The following FREM1 variants were observed in gnomAD, a reference collection of about 807,000 sequenced individuals.
The protein encoded by FREM1 is FRAS1 related extracellular matrix 1.
Under a neutral mutation model 210.1 loss-of-function variants are expected in FREM1, and 220 were observed. That is an observed-to-expected ratio of 1.05 (90% confidence interval 0.94 to 1.17). The LOEUF (loss-of-function observed/expected upper bound fraction) is 1.17, where lower values mean the gene tolerates loss of function less well. Among genes scored for constraint, FREM1 ranks in the 50% most tolerant of loss-of-function variants. The probability of loss-of-function intolerance (pLI) is 0.00; values close to 1 mark genes in which losing one functional copy is unlikely to be tolerated. For missense variants in FREM1, 3,454 were observed against 2,675.5 expected (o/e 1.29, Z -6.42); for synonymous variants, 1,189 against 980.2 (o/e 1.21, Z -3.98).
At chr9:14,804,307 T>C (rs1295637968) in intron 19 of FREM1, among the ~76,000 whole-genome samples, 1 of 152,156 alleles carries the variant, frequency 6.6e-6, no homozygotes, top group Admixed American at 6.5e-5. Context: ...CAACTTTGGC[T>C]GGGTGCGGTG....
chr9:14,775,278 T>C (rs1848348356), intron 25 of FREM1, among the ~76,000 whole-genome samples: 1 of 152,216 alleles, frequency 6.6e-6, no homozygotes, highest in Non-Finnish European at 1.5e-5. Flanking sequence ...TTTGCTCCTT[T>C]CTGTGCTACC....
intron 13 of FREM1, among the ~76,000 whole-genome samples, chr9:14,821,162 C>A (rs1299946398): frequency 6.6e-6 from 1 of 152,134 alleles, no homozygotes; most frequent in African/African-American, 2.4e-5. Flanking sequence ...CAGCTCTCTG[C>A]AGGAATTCTA....
intron 10 of FREM1, among the ~76,000 whole-genome samples, chr9:14,837,460 T>TAC (rs1824846166): frequency 7.2e-6 from 1 of 139,386 alleles, no homozygotes; most frequent in Non-Finnish European, 1.6e-5. Context: ...CACACACACA[T>TAC]ACACATACAC....
chr9:14,740,696 GT>G (rs1234651081), intron 35 of FREM1, among the ~76,000 whole-genome samples: 2 of 152,082 alleles, frequency 1.3e-5, no homozygotes, highest in Non-Finnish European at 2.9e-5. Flanking sequence ...AGCTTAGTGG[GT>G]TTAGCCAAAT....
intron 19 of FREM1, among the ~76,000 whole-genome samples, chr9:14,803,670 A>T (rs1817775206): frequency 6.6e-6 from 1 of 152,088 alleles, no homozygotes. Context: ...TGCCTGGCCT[A>T]AAGCATCCTT....
intron 10 of FREM1, among the ~76,000 whole-genome samples, chr9:14,839,101 C>T (rs1018511733): frequency 5.9e-5 from 9 of 152,120 alleles, no homozygotes; most frequent in Non-Finnish European, 1.2e-4. Flanking sequence ...TGGTTAATCA[C>T]CTCTATTTGT....
At chr9:14,759,968 A>C in intron 27 of FREM1, 67 bp from the exon 28 acceptor site, 1 of 1,348,718 alleles carries the variant, frequency 7.4e-7, no homozygotes, top group Non-Finnish European at 1.0e-6. Context: ...TTCTCTGCTG[A>C]GCGGACTAGT....
chr9:14,778,816 G>GT (rs1226700065), intron 24 of FREM1, among the ~76,000 whole-genome samples: 4 of 150,140 alleles, frequency 2.7e-5, no homozygotes, highest in Admixed American at 1.3e-4. Flanking sequence ...GCTGGGGTGG[G>GT]TGGAGCGCTC....
At chr9:14,773,939 A>T in intron 25 of FREM1, 1 of 382,824 alleles carries the variant, frequency 2.6e-6, no homozygotes, top group Non-Finnish European at 5.0e-6. Context: ...GACTGGTATC[A>T]ACCTAGGTTA....
At chr9:14,784,655 T>C in intron 23 of FREM1, 21 bp from the exon 24 acceptor site, 8 of 1,499,416 alleles carry the variant, frequency 5.3e-6, no homozygotes, top group African/African-American at 1.4e-5. Flanking sequence ...TAAGAGGTTA[T>C]GGTCAATAAT....
At chr9:14,840,145 C>A (rs1042568099) in intron 10 of FREM1, among the ~76,000 whole-genome samples, 2 of 152,192 alleles carry the variant, frequency 1.3e-5, no homozygotes, top group African/African-American at 4.8e-5. Flanking sequence ...GCTCAATCAT[C>A]TATGCATTAG....
intron 30 of FREM1, 107 bp from the exon 31 acceptor site, chr9:14,748,746 G>C (rs1346757283): frequency 1.4e-6 from 1 of 720,198 alleles, no homozygotes; most frequent in African/African-American, 1.8e-5. Flanking sequence ...TAGATGGATG[G>C]TTTTCCCACC....
In FREM1 at chr9:14,784,733, A is replaced by C. The variant is rs894529495; in HGVS notation, c.4178-99T>G. ...AAAGGCCAAAACTGTGCAAAAATCA[A>C]AATTAATACGACATAGAAAGGTTTA... is the stretch of plus-strand genomic sequence containing the variant. On this transcript the variant is annotated intron_variant, in intron 23 of 36. Coordinates refer to ENST00000380880, the MANE Select transcript of FREM1 (RefSeq NM_001379081.2). 3.3e-5 allele frequency: 26 copies of C among 780,708 alleles called. 1 individual carries two copies. The South Asian group carries it at 1.0e-3, about 31-fold the overall frequency. 48.4% of individuals were successfully genotyped at this position (780,708 alleles called of 1,614,324 possible). A position where few individuals can be genotyped will look rare whatever the true frequency, so the allele number is the denominator to read the frequency against.
intron 35 of FREM1, among the ~76,000 whole-genome samples, chr9:14,740,526 A>T (rs562022382): frequency 6.6e-6 from 1 of 152,308 alleles, no homozygotes; most frequent in East Asian, 1.9e-4. Flanking sequence ...GAAAATCAGC[A>T]ACTGCCTACT....
chr9:14,806,764 T>C lies in FREM1; in HGVS notation c.3171A>G (p.Ala1057=). The C allele has an allele frequency of 1.2e-6, 2 of 1,606,094 alleles. No homozygotes were observed. Among genetic ancestry groups the C allele is most frequent in the South Asian group, 1.1e-5 (1 of 89,028 alleles). ...HLSATDPDTA[A]DDLEFVLVSP... ...AAACCAAAACAAATTCCAAGTCATC[T>C]GCTGCAGTGTCAGGGTCAGTGGCGG... is the stretch of plus-strand genomic sequence containing the variant. Residue 1057 remains alanine, a synonymous_variant, in exon 18 of 37, where the codon GCA becomes GCG. Transcript: ENST00000380880.
intron 27 of FREM1, among the ~76,000 whole-genome samples, chr9:14,768,274 TA>T (rs34132406): frequency 0.86 from 125,450 of 145,436 alleles, 55,316 homozygotes; most frequent in Non-Finnish European, 0.97. Context: ...TTTAAAATGT[TA>T]AAAAAAAAAA....
chr9:14,797,301 C>G lies in FREM1; in HGVS notation c.3839+197G>C, dbSNP rs117899256. ...TTTAGAAGAAAATCAAGTAATTAAA[C>G]GGCTGATTGTTAAGGAGAGGTTACC... On this transcript the variant is annotated intron_variant, in intron 21 of 36. Transcript: ENST00000380880. Among the ~76,000 whole-genome samples, 4,637 of 152,200 alleles carry G rather than the reference C, an allele frequency of 0.03. 93 individuals carry two copies. Among genetic ancestry groups the G allele is most frequent in the Non-Finnish European group, 0.037 (2,534 of 68,004 alleles).
chr9:14,760,811 C>T (rs976212652), intron 27 of FREM1, among the ~76,000 whole-genome samples: 3 of 152,150 alleles, frequency 2.0e-5, no homozygotes, highest in Non-Finnish European at 4.4e-5. Flanking sequence ...CAGAGCAATA[C>T]GGTTTTATCT....
intron 6 of FREM1, among the ~76,000 whole-genome samples, chr9:14,850,986 A>G (rs888694772): frequency 6.6e-6 from 1 of 152,232 alleles, no homozygotes; most frequent in African/African-American, 2.4e-5. Context: ...CATGAGTGCT[A>G]CAGCAACAGT....
Sources: gnomAD v4.1 joint callset for allele counts (sites outside exome capture counted in the v4.1 genomes callset) on GRCh38, gnomAD v4.1.1 for gene constraint, MANE v1.5 for transcripts, NCBI Gene and HGNC (gene_info 2026-07-23, HGNC 2026-07-21) for gene names.